Variants in ST6GALNAC3 observed in about 807,000 individuals in gnomAD.
ST6GALNAC3 encodes alpha-N-acetylgalactosaminide alpha-2,6-sialyltransferase 3.
ST6GALNAC3 carries 25 observed loss-of-function variants against 32.7 expected under a neutral mutation model. That is an observed-to-expected ratio of 0.76 (90% CI 0.56 to 1.07). The LOEUF (loss-of-function observed/expected upper bound fraction) is 1.07. ST6GALNAC3 is among the 50% of genes least tolerant of loss of function. ST6GALNAC3 has a pLI of 0.00. For synonymous variants in ST6GALNAC3, 129 were observed against 133.1 expected (o/e 0.97, Z 0.21); for missense variants, 355 against 382.4 (o/e 0.93, Z 0.60).
At position 76,627,572 on chromosome 1, in the gene ST6GALNAC3, G is replaced by C. The variant is rs751608794; in HGVS notation, c.731+13G>C. The C allele has an allele frequency of 1.9e-6, 3 of 1,579,492 alleles. No homozygotes were observed. Among genetic ancestry groups the C allele is most frequent in the Non-Finnish European group, 2.6e-6 (3 of 1,149,580 alleles). ...ACACCTACTGCAAGTAAGATCACAAGAAATTATTTTTATGCAGCTCCAATT... is the reference window on the plus strand; with the variant it reads ...ACACCTACTGCAAGTAAGATCACAACAAATTATTTTTATGCAGCTCCAATT... On this transcript the variant is annotated intron_variant, in intron 4 of 4. Transcript: ENST00000328299.
At chr1:76,194,293 T>A (rs1388492534) in intron 1 of ST6GALNAC3, among the ~76,000 whole-genome samples, 1 of 152,150 alleles carries the variant, frequency 6.6e-6, no homozygotes, top group Non-Finnish European at 1.5e-5. Context: ...AGGACTATTA[T>A]ATATGCAAGG....
chr1:76,627,414 T>C (rs1375717918), intron 3 of ST6GALNAC3, 38 bp from the exon 4 acceptor site: 1 of 1,344,836 alleles, frequency 7.4e-7, no homozygotes, highest in Admixed American at 1.7e-5. Context: ...GTTCTGTGTT[T>C]TGTTCTGTTT....
chr1:76,110,136 T>C (rs984668451), intron 1 of ST6GALNAC3, among the ~76,000 whole-genome samples: 7 of 152,210 alleles, frequency 4.6e-5, no homozygotes, highest in African/African-American at 1.7e-4. Flanking sequence ...ATTCAAATTC[T>C]TTTTCATTCT....
intron 1 of ST6GALNAC3, among the ~76,000 whole-genome samples, chr1:76,088,681 G>A (rs765726257): frequency 2.5e-4 from 38 of 152,080 alleles, no homozygotes; most frequent in Non-Finnish European, 1.0e-4. Context: ...TAAGATCATG[G>A]CAGCCTATTT....
Position 76,099,501 on chromosome 1 carries a change from A to G in ST6GALNAC3, c.18+24617A>G, listed in dbSNP as rs185020468. ...TAAAACTACTAAGCAATGAGAAGGA[A>G]TGCACTGTCGATACATGCAACAATG... is the stretch of plus-strand genomic sequence containing the variant. On this transcript the variant is annotated intron_variant, in intron 1 of 4. Transcript: ENST00000328299. Among the ~76,000 whole-genome samples, 12 of 152,354 alleles carry G rather than the reference A, an allele frequency of 7.9e-5. No individual in the cohort carries two copies. The East Asian group carries it at 2.1e-3, about 27-fold the overall frequency.
chr1:76,481,630 T>A lies in ST6GALNAC3; in HGVS notation c.623+69213T>A, dbSNP rs187819356. 4.5e-4 allele frequency among the ~76,000 whole-genome samples: 68 copies of A among 152,320 alleles called. 1 individual carries two copies. In the South Asian group the frequency reaches 7.0e-3, roughly 16 times the overall value. On this transcript the variant is annotated intron_variant, in intron 3 of 4. Coordinates refer to ENST00000328299, the MANE Select transcript of ST6GALNAC3 (RefSeq NM_152996.4). ...CAATGTACAGAATTAAATACAACCA[T>A]GCATTTAAGACTTTAACAATCATAG...
chr1:76,432,397 G>A lies in ST6GALNAC3; in HGVS notation c.623+19980G>A, dbSNP rs141262834. On this transcript the variant is annotated intron_variant, in intron 3 of 4. Transcript: ENST00000328299. ...GCAAAAAAAATGTTTTATGTTATAC[G>A]CTGAAAAATGCTGGCTGAAATATGT... is the stretch of plus-strand genomic sequence containing the variant. 2.2e-3 allele frequency among the ~76,000 whole-genome samples: 328 copies of A among 148,132 alleles called. 2 individuals are homozygous for A. Among genetic ancestry groups the A allele is most frequent in the African/African-American group, 7.6e-3 (306 of 40,142 alleles).
intron 3 of ST6GALNAC3, among the ~76,000 whole-genome samples, chr1:76,463,275 C>A (rs556593740): frequency 3.9e-5 from 6 of 152,044 alleles, no homozygotes; most frequent in Non-Finnish European, 4.4e-5. Flanking sequence ...AGGTAAATTG[C>A]GGGGGCTACA....
At chr1:76,560,545 AG>A (rs1234766493) in intron 3 of ST6GALNAC3, among the ~76,000 whole-genome samples, 1 of 152,224 alleles carries the variant, frequency 6.6e-6, no homozygotes, top group East Asian at 1.9e-4. Flanking sequence ...TATTTCTCAA[AG>A]GAAGACATAC....
intron 1 of ST6GALNAC3, among the ~76,000 whole-genome samples, chr1:76,276,495 T>C (rs1659142215): frequency 6.6e-6 from 1 of 152,178 alleles, no homozygotes; most frequent in African/African-American, 2.4e-5. Flanking sequence ...GGTGGATGAA[T>C]CTATTTCTTA....
At chr1:76,376,264 CATT>C (rs755706916) in intron 2 of ST6GALNAC3, among the ~76,000 whole-genome samples, 10 of 152,136 alleles carry the variant, frequency 6.6e-5, no homozygotes, top group Non-Finnish European at 1.5e-4. Context: ...AGAAAGTTGA[CATT>C]AATATAATCC....
chr1:76,231,173 A>G (rs1370245493), intron 1 of ST6GALNAC3, among the ~76,000 whole-genome samples: 1 of 152,164 alleles, frequency 6.6e-6, no homozygotes, highest in Non-Finnish European at 1.5e-5. Flanking sequence ...CCACAGAACT[A>G]GCACAACCCC....
At chr1:76,573,993 C>G (rs991211581) in intron 3 of ST6GALNAC3, among the ~76,000 whole-genome samples, 3 of 151,970 alleles carry the variant, frequency 2.0e-5, no homozygotes, top group Admixed American at 2.0e-4. Context: ...AATAAATATT[C>G]ATTGAACACC....
intron 3 of ST6GALNAC3, among the ~76,000 whole-genome samples, chr1:76,551,738 T>G (rs771370735): frequency 2.6e-5 from 4 of 152,188 alleles, no homozygotes; most frequent in Non-Finnish European, 5.9e-5. Context: ...TAAACTATAG[T>G]CATCATACTC....
chr1:76,075,648 T>C (rs898347184), intron 1 of ST6GALNAC3, among the ~76,000 whole-genome samples: 9 of 151,968 alleles, frequency 5.9e-5, no homozygotes, highest in African/African-American at 1.9e-4. Flanking sequence ...TGGGAGAACT[T>C]GGTGTGAGGG....
chr1:76,625,459 A>G (rs1648909163), intron 3 of ST6GALNAC3, among the ~76,000 whole-genome samples: 1 of 151,942 alleles, frequency 6.6e-6, no homozygotes, highest in Non-Finnish European at 1.5e-5. Context: ...GAAAGGTAGA[A>G]AAAAATAGTA....
chr1:76,157,019 C>T (rs1162707699), intron 1 of ST6GALNAC3, among the ~76,000 whole-genome samples: 2 of 152,196 alleles, frequency 1.3e-5, no homozygotes, highest in African/African-American at 4.8e-5. Flanking sequence ...GTGTAAGCCA[C>T]GGCGCCCAGC....
At chr1:76,341,497 T>C (rs1173114197) in intron 2 of ST6GALNAC3, among the ~76,000 whole-genome samples, 2 of 152,102 alleles carry the variant, frequency 1.3e-5, no homozygotes, top group Non-Finnish European at 2.9e-5. Flanking sequence ...TTGTGAGTAA[T>C]GCTGTGATGA....
intron 3 of ST6GALNAC3, among the ~76,000 whole-genome samples, chr1:76,431,692 A>G (rs531387683): frequency 2.0e-5 from 3 of 152,090 alleles, no homozygotes; most frequent in East Asian, 1.9e-4. Context: ...AAATTGCCTT[A>G]TTTGTTTTTT....
Sources: gnomAD v4.1 joint callset for allele counts (sites outside exome capture counted in the v4.1 genomes callset) on GRCh38, gnomAD v4.1.1 for gene constraint, MANE v1.5 for transcripts, NCBI Gene and HGNC (gene_info 2026-07-23, HGNC 2026-07-21) for gene names.